The following HCRTR2 variants were observed in gnomAD, a reference collection of about 807,000 sequenced individuals.
HCRTR2 encodes hypocretin receptor 2, also known as orexin receptor type 2.
Under a neutral mutation model 49.0 loss-of-function variants are expected in HCRTR2, and 22 were observed. The ratio of observed to expected loss-of-function variants is 0.45; its 90% CI spans 0.32 to 0.64. The LOEUF (loss-of-function observed/expected upper bound fraction) is 0.64, where lower values mean the gene tolerates loss of function less well. Among genes scored for constraint, HCRTR2 ranks in the 30% least tolerant of loss-of-function variants. The probability of loss-of-function intolerance (pLI) is 0.04; values close to 1 mark genes in which losing one functional copy is unlikely to be tolerated. For missense variants in HCRTR2, 491 were observed against 559.4 expected, an observed-to-expected ratio of 0.88 and a Z score of 1.23; for synonymous variants, 236 against 205.3, an observed-to-expected ratio of 1.15 and a Z score of -1.28.
Position 55,282,272 on chromosome 6 carries a change from G to C in HCRTR2, c.1153G>C (p.Gly385Arg). The C allele has an allele frequency of 6.2e-7, 1 of 1,613,812 alleles. No homozygotes were observed. Among genetic ancestry groups the C allele is most frequent in the Non-Finnish European group, 8.5e-7 (1 of 1,179,932 alleles). ...FKAAFSCCCLGVHHRQEDRLT... is the reference protein window; with the variant it reads ...FKAAFSCCCLRVHHRQEDRLT... ...AGCTGCGTTTTCTTGCTGTTGCCTT[G>C]GAGTTCACCATCGCCAGGAGGATCG... is the stretch of plus-strand genomic sequence containing the variant. Residue 385 changes from glycine (G) to arginine (R), a missense_variant, in exon 7 of 7, where the codon GGA becomes CGA. By Grantham distance (125) the Gly-to-Arg change is moderately radical. Coordinates refer to ENST00000370862, the MANE Select transcript of HCRTR2 (RefSeq NM_001384272.1).
intron 1 of HCRTR2, among the ~76,000 whole-genome samples, chr6:55,225,476 T>A (rs1017284304): frequency 6.6e-6 from 1 of 152,132 alleles, no homozygotes. Flanking sequence ...GGCATATGAG[T>A]TATCATAAGC....
Position 55,141,454 on chromosome 6 carries a change from G to A in HCRTR2, c.-377-32757G>A, listed in dbSNP as rs562590474. On this transcript the variant is annotated intron_variant, in intron 1 of 7. Transcript: ENST00000615358. ...AGGCAGATACCTAAGTTTACAAAGT[G>A]AAGTTAGAAGAAGAGATACATATAA... 7.2e-5 allele frequency among the ~76,000 whole-genome samples: 11 copies of A among 152,200 alleles called. 3 individuals carry two copies. The highest frequency in any genetic ancestry group is 2.6e-4 in the African/African-American group (11 of 41,552).
At chr6:55,220,858 G>T (rs1049697685) in intron 1 of HCRTR2, among the ~76,000 whole-genome samples, 1 of 152,038 alleles carries the variant, frequency 6.6e-6, no homozygotes, top group African/African-American at 2.4e-5. Flanking sequence ...CATCAAAATT[G>T]CAGAACATAA....
intron 1 of HCRTR2, among the ~76,000 whole-genome samples, chr6:55,123,794 C>A (rs532689223): frequency 6.6e-6 from 1 of 152,126 alleles, no homozygotes; most frequent in Non-Finnish European, 1.5e-5. Context: ...ATTACTGCCT[C>A]TATTTCAGAA....
At chr6:55,227,600 G>C (rs998599637) in intron 1 of HCRTR2, among the ~76,000 whole-genome samples, 2 of 152,288 alleles carry the variant, frequency 1.3e-5, no homozygotes, top group South Asian at 4.1e-4. Flanking sequence ...GACTGTCTTA[G>C]TATGTTCATC....
At chr6:55,261,213 A>C (rs567656978) in intron 3 of HCRTR2, among the ~76,000 whole-genome samples, 1 of 152,178 alleles carries the variant, frequency 6.6e-6, no homozygotes, top group African/African-American at 2.4e-5. Context: ...ATCTTCTAAA[A>C]TCTACAGGGA....
rs1056712995 is a variant in HCRTR2 at position 55,116,352 on chromosome 6, G to T, written c.-378+9807G>T. Among the ~76,000 whole-genome samples, 3 of 151,600 alleles carry T rather than the reference G, an allele frequency of 2.0e-5. 1 individual carries two copies. The highest frequency in any genetic ancestry group is 4.2e-4 in the South Asian group (2 of 4,816). Reference sequence around the variant, plus strand: ...GTCTGCATAATCTTGAAAATACTTCGATGTATTTAGATTTAATTAGGGAAT... The same window carrying T: ...GTCTGCATAATCTTGAAAATACTTCTATGTATTTAGATTTAATTAGGGAAT... On this transcript the variant is annotated intron_variant, in intron 1 of 7. Transcript: ENST00000615358.
At chr6:55,151,396 G>A (rs553576552) in intron 1 of HCRTR2, among the ~76,000 whole-genome samples, 1 of 152,104 alleles carries the variant, frequency 6.6e-6, no homozygotes, top group South Asian at 2.1e-4. Context: ...GGTGTTCACA[G>A]CATCTTTACT....
At chr6:55,234,459 G>T (rs1012532318) in intron 1 of HCRTR2, among the ~76,000 whole-genome samples, 3 of 152,076 alleles carry the variant, frequency 2.0e-5, no homozygotes, top group Admixed American at 6.6e-5. Flanking sequence ...TTAATTTGAG[G>T]ATTACCTAGT....
At chr6:55,270,264 T>C (rs1045788291) in intron 4 of HCRTR2, among the ~76,000 whole-genome samples, 20 of 152,224 alleles carry the variant, frequency 1.3e-4, no homozygotes, top group African/African-American at 4.8e-4. Flanking sequence ...ATCAATTAAA[T>C]AGATAATGTT....
At chr6:55,248,946 T>C in intron 2 of HCRTR2, 129 bp downstream of exon 2, 3 of 789,128 alleles carry the variant, frequency 3.8e-6, no homozygotes, top group East Asian at 2.5e-5. Flanking sequence ...TGAAGGAAAA[T>C]AATACTTGAG....
intron 1 of HCRTR2, among the ~76,000 whole-genome samples, chr6:55,229,689 C>T (rs932862941): frequency 5.3e-5 from 8 of 152,106 alleles, no homozygotes; most frequent in Middle Eastern, 3.2e-3. Context: ...AATAGTCAAA[C>T]TCATGGAAAC....
chr6:55,133,904 G>C (rs1764397436), intron 1 of HCRTR2, among the ~76,000 whole-genome samples: 1 of 151,564 alleles, frequency 6.6e-6, no homozygotes, highest in Admixed American at 6.6e-5. Flanking sequence ...CCATAACATA[G>C]TATAAAAAGT....
chr6:55,166,665 C>T (rs1289118511), intron 1 of HCRTR2, among the ~76,000 whole-genome samples: 1 of 152,050 alleles, frequency 6.6e-6, no homozygotes, highest in Non-Finnish European at 1.5e-5. Flanking sequence ...AACAGTTCAA[C>T]ATAGAGTTAC....
At chr6:55,132,204 A>G (rs1764368300) in intron 1 of HCRTR2, among the ~76,000 whole-genome samples, 1 of 151,910 alleles carries the variant, frequency 6.6e-6, no homozygotes, top group African/African-American at 2.4e-5. Flanking sequence ...ATGATTTGTT[A>G]ATTTAATAAC....
intron 1 of HCRTR2, among the ~76,000 whole-genome samples, chr6:55,237,285 G>C (rs1219297554): frequency 6.6e-6 from 1 of 151,986 alleles, no homozygotes; most frequent in African/African-American, 2.4e-5. Flanking sequence ...TTCTTTCACA[G>C]AGAATTTGCT....
chr6:55,222,808 T>A (rs191233178), intron 1 of HCRTR2, among the ~76,000 whole-genome samples: 2 of 152,230 alleles, frequency 1.3e-5, no homozygotes, highest in African/African-American at 4.8e-5. Context: ...TGCATTTCAG[T>A]GGGTATAGAG....
chr6:55,263,198 A>G (rs1412789575), intron 3 of HCRTR2, among the ~76,000 whole-genome samples: 1 of 152,036 alleles, frequency 6.6e-6, no homozygotes, highest in Non-Finnish European at 1.5e-5. Context: ...TCACATTTGT[A>G]TTTGGAGATA....
upstream of HCRTR2, among the ~76,000 whole-genome samples, chr6:55,170,280 T>C (rs879726985): frequency 6.7e-6 from 1 of 148,728 alleles, no homozygotes; most frequent in Non-Finnish European, 1.5e-5. Context: ...TATTTATTTA[T>C]ACATGTAAAT....
Sources: allele counts gnomAD v4.1 joint callset (sites outside exome capture counted in the v4.1 genomes callset), GRCh38; gene constraint gnomAD v4.1.1; transcripts MANE v1.5; gene names NCBI Gene and HGNC (gene_info 2026-07-23, HGNC 2026-07-21).